TAF3: variants seen among roughly 807,000 people sequenced by gnomAD.
TAF3 encodes transcription initiation factor TFIID subunit 3.
A neutral mutation model predicts 80.6 loss-of-function variants in TAF3; 7 were observed. That is an observed-to-expected ratio of 0.09 (90% confidence interval 0.05 to 0.16). The LOEUF is 0.16. Ranked by LOEUF, TAF3 falls within the 10% of genes least tolerant of loss-of-function variation. TAF3 has a pLI of 1.00. For synonymous variants in TAF3, 444 were observed against 446.1 expected (o/e 1.00, Z 0.06); for missense variants, 921 against 1,140.2 (o/e 0.81, Z 2.77).
intron 2 of TAF3, among the ~76,000 whole-genome samples, chr10:7,951,086 G>A (rs1397123410): frequency 6.6e-6 from 1 of 152,178 alleles, no homozygotes; most frequent in Non-Finnish European, 1.5e-5. Context: ...TGATGAAAAT[G>A]TTGTGACCAG....
intron 2 of TAF3, among the ~76,000 whole-genome samples, chr10:7,936,949 T>C (rs930664360): frequency 2.0e-5 from 3 of 152,316 alleles, no homozygotes; most frequent in African/African-American, 7.2e-5. Context: ...TATGTGGCCT[T>C]CTCAGTTTGA....
chr10:7,824,241 C>G (rs1836719132), intron 1 of TAF3, 77 bp from the exon 2 acceptor site: 1 of 1,491,648 alleles, frequency 6.7e-7, no homozygotes, highest in Admixed American at 2.1e-5. Context: ...TATTTACTTA[C>G]TACTTTTTCT....
intron 2 of TAF3, among the ~76,000 whole-genome samples, chr10:7,881,671 A>G (rs1217094058): frequency 6.6e-6 from 1 of 152,168 alleles, no homozygotes; most frequent in Non-Finnish European, 1.5e-5. Context: ...ATGCATTTAG[A>G]TGTAATGAAA....
chr10:7,898,267 C>T (rs1837525035), intron 2 of TAF3, among the ~76,000 whole-genome samples: 1 of 152,014 alleles, frequency 6.6e-6, no homozygotes, highest in African/African-American at 2.4e-5. Flanking sequence ...AACTCTTAGG[C>T]CGGGTGGGGT....
chr10:7,831,460 C>T (rs1836799088), intron 2 of TAF3, among the ~76,000 whole-genome samples: 1 of 152,184 alleles, frequency 6.6e-6, no homozygotes, highest in Non-Finnish European at 1.5e-5. Flanking sequence ...ATTCTCCTGC[C>T]TCAGCCTCTC....
intron 2 of TAF3, among the ~76,000 whole-genome samples, chr10:7,952,223 TATTGAC>T (rs1421570657): frequency 6.6e-6 from 1 of 152,124 alleles, no homozygotes; most frequent in Admixed American, 6.5e-5. Flanking sequence ...ATATTAGAGA[TATTGAC>T]ATTGTCTGAA....
chr10:8,002,588 T>C (rs1226287993), intron 4 of TAF3, among the ~76,000 whole-genome samples: 1 of 152,194 alleles, frequency 6.6e-6, no homozygotes, highest in Non-Finnish European at 1.5e-5. Context: ...ATTCAAATTG[T>C]TTTTTAGCCT....
rs368391306 is a variant in TAF3 at position 8,009,347 on chromosome 10, C to T, written c.2568+17C>T. 486 of 1,585,858 alleles carry T rather than the reference C, an allele frequency of 3.1e-4. 7 individuals carry two copies. The South Asian group carries it at 4.7e-3, about 15-fold the overall frequency. Reference sequence around the variant, plus strand: ...ACCTACGTGGTGCGTACCTGCCGCCCGCGCGGTTAGCATGGAGACGTTTTC... The same window carrying T: ...ACCTACGTGGTGCGTACCTGCCGCCTGCGCGGTTAGCATGGAGACGTTTTC... On this transcript the variant is annotated intron_variant, in intron 5 of 6. Transcript: ENST00000344293. This position sits in a 1 kb window ranked among gnomAD's most constrained non-coding sequence, Gnocchi z 4.1.
chr10:7,867,229 A>G lies in TAF3; in HGVS notation c.409+42669A>G, dbSNP rs1837222678. Reference sequence around the variant, plus strand: ...AGCCGAGATCATGTCACTGCACTCCAGCCTGGGCAACAGAGTGAGACTGTC... The same window carrying G: ...AGCCGAGATCATGTCACTGCACTCCGGCCTGGGCAACAGAGTGAGACTGTC... On this transcript the variant is annotated intron_variant, in intron 2 of 6. Coordinates refer to ENST00000344293, the MANE Select transcript of TAF3 (RefSeq NM_031923.4). 3.3e-5 allele frequency among the ~76,000 whole-genome samples: 5 copies of G among 152,164 alleles called. No individual in the cohort carries two copies. The South Asian group carries it at 1.0e-3, about 32-fold the overall frequency.
chr10:7,861,667 T>C (rs1837149648), intron 2 of TAF3, among the ~76,000 whole-genome samples: 1 of 152,210 alleles, frequency 6.6e-6, no homozygotes, highest in Admixed American at 6.5e-5. Flanking sequence ...AAGTCAGACG[T>C]CATTTGTCTT....
intron 1 of TAF3, among the ~76,000 whole-genome samples, chr10:7,820,726 C>A (rs968238844): frequency 1.3e-5 from 2 of 152,212 alleles, no homozygotes; most frequent in African/African-American, 2.4e-5. Flanking sequence ...AACTCCTGGG[C>A]TCAAGTGATC....
At chr10:7,827,791 A>AAAAAAC (rs1302127672) in intron 2 of TAF3, among the ~76,000 whole-genome samples, 3 of 150,178 alleles carry the variant, frequency 2.0e-5, no homozygotes, top group Admixed American at 6.6e-5. Flanking sequence ...AAAAAAAAAA[A>AAAAAAC]AAAAACAAAA....
chr10:8,000,877 ACT>A (rs1370513030), intron 4 of TAF3, among the ~76,000 whole-genome samples: 2 of 152,134 alleles, frequency 1.3e-5, no homozygotes, highest in Non-Finnish European at 2.9e-5. Flanking sequence ...CTAAGTATAC[ACT>A]CATACCTTCT....
intron 2 of TAF3, among the ~76,000 whole-genome samples, chr10:7,905,771 TAC>T (rs1837603093): frequency 2.0e-5 from 3 of 152,108 alleles, no homozygotes; most frequent in African/African-American, 7.2e-5. Context: ...TAATCCCAGC[TAC>T]TCGGGAGACT....
intron 5 of TAF3, among the ~76,000 whole-genome samples, chr10:8,010,108 T>G (rs1380104180): frequency 6.6e-6 from 1 of 152,192 alleles, no homozygotes; most frequent in Non-Finnish European, 1.5e-5. Flanking sequence ...GGTTTCACTA[T>G]GTTGCCCAGG....
chr10:7,898,545 CAAAAAAAAAA>C (rs35137273), intron 2 of TAF3, among the ~76,000 whole-genome samples: 25,760 of 96,664 alleles, frequency 0.27, 2,627 homozygotes, highest in East Asian at 0.39. Flanking sequence ...GACTCTGTCT[CAAAAAAAAAA>C]AAAAAAAAAA....
chr10:7,821,153 C>T (rs1479045646), intron 1 of TAF3, among the ~76,000 whole-genome samples: 2 of 152,172 alleles, frequency 1.3e-5, no homozygotes, highest in Non-Finnish European at 2.9e-5. Flanking sequence ...TACCAAGTTT[C>T]CGTAGCCAGT....
chr10:7,845,568 A>G (rs2131119841), intron 2 of TAF3, among the ~76,000 whole-genome samples: 1 of 152,332 alleles, frequency 6.6e-6, no homozygotes, highest in Non-Finnish European at 1.5e-5. Flanking sequence ...TGGTAATGTG[A>G]AAATATTTAT....
intron 3 of TAF3, among the ~76,000 whole-genome samples, chr10:7,973,795 T>C (rs151074644): frequency 1.3e-5 from 2 of 152,324 alleles, no homozygotes; most frequent in African/African-American, 4.8e-5. Flanking sequence ...GGACCATTTG[T>C]TTTCAGATTT....
Sources: gnomAD v4.1 joint callset for allele counts (sites outside exome capture counted in the v4.1 genomes callset) on GRCh38, gnomAD v4.1.1 for gene constraint, Gnocchi (gnomAD v3.1) non-coding constraint, MANE v1.5 for transcripts, NCBI Gene and HGNC (gene_info 2026-07-23, HGNC 2026-07-21) for gene names.